Variants in RRAS2 observed in about 807,000 individuals in gnomAD.
The protein encoded by RRAS2 is ras-related protein R-Ras2.
RRAS2 carries 7 observed loss-of-function variants against 27.6 expected under a neutral mutation model. The ratio of observed to expected loss-of-function variants is 0.25; its 90% CI spans 0.14 to 0.48. The LOEUF (loss-of-function observed/expected upper bound fraction) is 0.48, where lower values mean the gene tolerates loss of function less well. Ranked by LOEUF, RRAS2 falls within the 20% of genes least tolerant of loss-of-function variation. The pLI, the probability that RRAS2 is intolerant of heterozygous loss-of-function variation, is 0.99. For missense variants in RRAS2, 178 were observed against 256.2 expected (o/e 0.69, Z 2.08); for synonymous variants, 86 against 90.9 (o/e 0.95, Z 0.31).
At chr11:14,342,310 C>T (rs1384430671) in intron 1 of RRAS2, among the ~76,000 whole-genome samples, 1 of 152,166 alleles carries the variant, frequency 6.6e-6, no homozygotes, top group African/African-American at 2.4e-5. Context: ...AACTTAAATC[C>T]CAGCTTCGCT....
At chr11:14,341,797 T>C in intron 1 of RRAS2, 1 of 454,774 alleles carries the variant, frequency 2.2e-6, no homozygotes, top group Non-Finnish European at 4.4e-6. Flanking sequence ...AAAATATAAA[T>C]ACGCATACTC....
intron 1 of RRAS2, among the ~76,000 whole-genome samples, chr11:14,307,671 A>C (rs1554948292): frequency 1.3e-5 from 2 of 152,052 alleles, no homozygotes; most frequent in Non-Finnish European, 2.9e-5. Context: ...AACCTGCCAT[A>C]CTAACATAGC....
Position 14,279,306 on chromosome 11 carries a change from C to A in RRAS2, c.*31G>T. 6.7e-7 allele frequency: 1 copy of A among 1,487,956 alleles called. No individual in the cohort carries two copies. The highest frequency in any genetic ancestry group is 1.1e-5 in the South Asian group (1 of 88,556). 92.2% of individuals were successfully genotyped at this position (1,487,956 alleles called of 1,614,324 possible). On this transcript the variant is annotated 3_prime_UTR_variant, in exon 6 of 6. Transcript: ENST00000256196. ...GAGAAAGAGAAGATGAGGGCTTTTCCTGGCCGTTGGTAGCTAAAACTGAAG... is the reference window on the plus strand; with the variant it reads ...GAGAAAGAGAAGATGAGGGCTTTTCATGGCCGTTGGTAGCTAAAACTGAAG...
chr11:14,355,764 A>T (rs1554955346), intron 1 of RRAS2, among the ~76,000 whole-genome samples: 1 of 152,186 alleles, frequency 6.6e-6, no homozygotes, highest in East Asian at 1.9e-4. Context: ...GTCTTAAAAA[A>T]GTAAGTCCAA....
intron 1 of RRAS2, 34 bp from the exon 2 acceptor site, chr11:14,295,889 C>CA: frequency 6.3e-7 from 1 of 1,582,516 alleles, no homozygotes; most frequent in Non-Finnish European, 8.6e-7. Flanking sequence ...TTTTAAAATT[C>CA]ATGGCCAGGC....
chr11:14,280,268 C>T (rs1486020999), intron 5 of RRAS2, among the ~76,000 whole-genome samples: 1 of 151,498 alleles, frequency 6.6e-6, no homozygotes, highest in Non-Finnish European at 1.5e-5. Flanking sequence ...CTTATAAAAC[C>T]GAGACTCTTA....
chr11:14,284,705 C>T (rs1485384290), intron 4 of RRAS2, among the ~76,000 whole-genome samples: 1 of 152,150 alleles, frequency 6.6e-6, no homozygotes, highest in African/African-American at 2.4e-5. Context: ...CTGTTATGTC[C>T]TCTTGAGGAA....
At position 14,308,238 on chromosome 11, in the gene RRAS2, G is replaced by A. The variant is rs532985369; in HGVS notation, c.109-12383C>T. 9.1e-4 allele frequency: 402 copies of A among 440,310 alleles called. 4 individuals are homozygous for A. Among genetic ancestry groups the A allele is most frequent in the South Asian group, 6.4e-3 (389 of 60,936 alleles). The allele number at this position is 440,310 out of a possible 1,614,324, so 27.3% of individuals were successfully genotyped here. On this transcript the variant is annotated intron_variant, in intron 1 of 5. Transcript: ENST00000256196. ...GTTTAACTGGGTTGCTAGGAGATAT[G>A]GATGGAAGGAAAACAATTCTTGTAG...
chr11:14,308,100 T>C, intron 1 of RRAS2: 1 of 263,928 alleles, frequency 3.8e-6, no homozygotes. Flanking sequence ...CATGCATTAA[T>C]ATACAGCAAT....
chr11:14,312,851 CTCATCAAGT>C (rs1848007154), intron 1 of RRAS2, among the ~76,000 whole-genome samples: 1 of 152,154 alleles, frequency 6.6e-6, no homozygotes, highest in Non-Finnish European at 1.5e-5. Flanking sequence ...AACTAAATTC[CTCATCAAGT>C]TCATCTCAAA....
intron 4 of RRAS2, among the ~76,000 whole-genome samples, chr11:14,289,893 T>C (rs1554945564): frequency 6.6e-6 from 1 of 152,146 alleles, no homozygotes; most frequent in African/African-American, 2.4e-5. Context: ...ATTTATTATC[T>C]ACAAGAAAAT....
intron 1 of RRAS2, among the ~76,000 whole-genome samples, chr11:14,302,807 A>G (rs1847748222): frequency 6.6e-6 from 1 of 152,090 alleles, no homozygotes; most frequent in Non-Finnish European, 1.5e-5. Flanking sequence ...GGGGCTGCCT[A>G]GGGAGGCAGC....
At chr11:14,351,869 T>C (rs1218846077) in intron 1 of RRAS2, among the ~76,000 whole-genome samples, 3 of 128,318 alleles carry the variant, frequency 2.3e-5, no homozygotes, top group African/African-American at 8.9e-5. Context: ...CACTCCAGCC[T>C]GGGTGACAGA....
At chr11:14,289,676 G>C (rs1849757055) in intron 4 of RRAS2, among the ~76,000 whole-genome samples, 2 of 152,090 alleles carry the variant, frequency 1.3e-5, no homozygotes, top group African/African-American at 4.8e-5. Context: ...CATCATCACT[G>C]CCTAGAAAAG....
upstream of RRAS2, among the ~76,000 whole-genome samples, chr11:14,363,167 T>G (rs1156229337): frequency 3.3e-5 from 5 of 152,176 alleles, no homozygotes; most frequent in Non-Finnish European, 7.3e-5. Context: ...CTGACTGCGT[T>G]TTAGAAAACT....
intron 1 of RRAS2, among the ~76,000 whole-genome samples, chr11:14,325,164 C>A (rs142559283): frequency 4.6e-5 from 7 of 152,278 alleles, no homozygotes; most frequent in Non-Finnish European, 7.3e-5. Flanking sequence ...CTCAAACTTA[C>A]CCTGATGTGA....
rs150993274 is a variant in RRAS2 at position 14,325,224 on chromosome 11, T to C, written c.109-29369A>G. Among the ~76,000 whole-genome samples, 38 of 152,326 alleles carry C rather than the reference T, an allele frequency of 2.5e-4. No individual in the cohort carries two copies. The East Asian group carries it at 7.3e-3, about 29-fold the overall frequency. On this transcript the variant is annotated intron_variant, in intron 1 of 5. Transcript: ENST00000256196. Reference sequence around the variant, plus strand: ...TTTGTCATTGGAGAAGTTACTTGAATTCACCTTGTCTTACCACAAAATGAG... The same window carrying C: ...TTTGTCATTGGAGAAGTTACTTGAACTCACCTTGTCTTACCACAAAATGAG...
intron 5 of RRAS2, among the ~76,000 whole-genome samples, chr11:14,280,509 C>CCT (rs1849495321): frequency 1.3e-5 from 2 of 151,668 alleles, no homozygotes; most frequent in South Asian, 4.2e-4. Context: ...GGGTGGAACA[C>CCT]GAGGTCAGGA....
intron 1 of RRAS2, among the ~76,000 whole-genome samples, chr11:14,304,180 C>G (rs1554947783): frequency 6.6e-6 from 1 of 152,196 alleles, no homozygotes; most frequent in Admixed American, 6.5e-5. Flanking sequence ...ATTCCCCAAA[C>G]TCGAGGGGAT....
Sources: allele counts gnomAD v4.1 joint callset (sites outside exome capture counted in the v4.1 genomes callset), GRCh38; gene constraint gnomAD v4.1.1; transcripts MANE v1.5; gene names NCBI Gene and HGNC (gene_info 2026-07-23, HGNC 2026-07-21).